The following ADH4 variants were observed in gnomAD, a reference collection of about 807,000 sequenced individuals.
ADH4 encodes all-trans-retinol dehydrogenase [NAD(+)] ADH4.
Under a neutral mutation model 35.2 loss-of-function variants are expected in ADH4, and 31 were observed. That is an observed-to-expected ratio of 0.88 (90% CI 0.66 to 1.19). ADH4 has a LOEUF of 1.19. ADH4 is among the 50% of genes most tolerant of loss of function. The pLI, the probability that ADH4 is intolerant of heterozygous loss-of-function variation, is 0.00. For missense variants in ADH4, 476 were observed against 458.3 expected, an observed-to-expected ratio of 1.04 and a Z score of -0.35; for synonymous variants, 171 against 160.2, an observed-to-expected ratio of 1.07 and a Z score of -0.51.
At chr4:99,136,722 T>C (rs1266937956) in intron 4 of ADH4, 25 bp from the exon 5 acceptor site, 1 of 1,438,796 alleles carries the variant, frequency 7.0e-7, no homozygotes, top group South Asian at 1.2e-5. Flanking sequence ...AAAAGAGTGA[T>C]ACAAATAAAG....
At chr4:99,142,580 C>CG in intron 2 of ADH4, 99 bp downstream of exon 2, 1 of 612,068 alleles carries the variant, frequency 1.6e-6, no homozygotes, top group Non-Finnish European at 2.6e-6. Context: ...ACTAGAAACT[C>CG]CAAGGCCTCT....
At chr4:99,125,242 A>G (rs1729049278) in intron 8 of ADH4, among the ~76,000 whole-genome samples, 1 of 152,062 alleles carries the variant, frequency 6.6e-6, no homozygotes, top group Non-Finnish European at 1.5e-5. Flanking sequence ...ATGAGGCCCA[A>G]CTTCTGCCTT....
At chr4:99,134,785 A>G (rs1284864482) in intron 5 of ADH4, among the ~76,000 whole-genome samples, 4 of 151,390 alleles carry the variant, frequency 2.6e-5, no homozygotes, top group Non-Finnish European at 5.9e-5. Context: ...ATTTTTGTCT[A>G]TGTGGCAGAT....
chr4:99,127,452 A>T, intron 6 of ADH4, 108 bp from the exon 7 acceptor site: 1 of 817,228 alleles, frequency 1.2e-6, no homozygotes. Context: ...CTCTGCATGT[A>T]AGATAATGGG....
At chr4:99,134,032 G>A (rs1729362789) in intron 5 of ADH4, among the ~76,000 whole-genome samples, 1 of 152,092 alleles carries the variant, frequency 6.6e-6, no homozygotes, top group African/African-American at 2.4e-5. Context: ...AAACCTGGAG[G>A]ACATTATGTC....
intron 8 of ADH4, among the ~76,000 whole-genome samples, chr4:99,125,584 T>C (rs892864530): frequency 3.9e-5 from 6 of 152,234 alleles, no homozygotes; most frequent in Admixed American, 1.3e-4. Flanking sequence ...TGAAGTTGTA[T>C]AATACATTGC....
intron 4 of ADH4, 133 bp from the exon 5 acceptor site, chr4:99,136,830 A>C (rs1729449964): frequency 3.2e-6 from 2 of 626,370 alleles, no homozygotes; most frequent in Admixed American, 3.1e-5. Context: ...AAATTAGGGA[A>C]ACAACAAGAC....
At chr4:99,139,446 T>C (rs536271471) in intron 3 of ADH4, among the ~76,000 whole-genome samples, 22 of 152,322 alleles carry the variant, frequency 1.4e-4, no homozygotes, top group African/African-American at 5.1e-4. Context: ...ATGACTATTG[T>C]TTATTACATT....
At chr4:99,124,496 A>G (rs2602894) in intron 8 of ADH4, 30 bp from the exon 9 acceptor site, 970,343 of 1,323,888 alleles carry the variant, frequency 0.73, 361,181 homozygotes, top group East Asian at 1. Flanking sequence ...ATTAATAAGT[A>G]TAATTTTCAT....
At chr4:99,143,727 A>G (rs896391400) in intron 1 of ADH4, among the ~76,000 whole-genome samples, 8 of 152,106 alleles carry the variant, frequency 5.3e-5, no homozygotes, top group African/African-American at 1.9e-4. Context: ...TCAAAATGCC[A>G]AGGCCTATCA....
rs776572471 is a variant in ADH4 at position 99,144,233 on chromosome 4, G to A, written c.-11C>T. 114 of 1,613,050 alleles carry A rather than the reference G, an allele frequency of 7.1e-5. No individual in the cohort carries two copies. The highest frequency in any genetic ancestry group is 9.2e-5 in the Non-Finnish European group (109 of 1,179,228). ...GCCCTTGGTGCCCATTTTTCTTTGG[G>A]AAACTGTGTTGGAAGTTTCTTTCTG... On this transcript the variant is annotated 5_prime_UTR_variant, in exon 1 of 9. Coordinates refer to ENST00000265512, the MANE Select transcript of ADH4 (RefSeq NM_000670.5).
intron 3 of ADH4, among the ~76,000 whole-genome samples, 190 bp from the exon 4 acceptor site, chr4:99,139,338 T>A (rs1008665685): frequency 1.1e-4 from 16 of 152,306 alleles, no homozygotes; most frequent in African/African-American, 3.6e-4. Context: ...TTGTATTTTT[T>A]AAAAAATTAC....
At chr4:99,124,633 TTAA>T (rs1729024450) in intron 8 of ADH4, among the ~76,000 whole-genome samples, 167 bp from the exon 9 acceptor site, 1 of 152,218 alleles carries the variant, frequency 6.6e-6, no homozygotes, top group Non-Finnish European at 1.5e-5. Flanking sequence ...ATTCATGGTG[TTAA>T]TAATATTTTA....
At chr4:99,141,419 T>C in intron 3 of ADH4, 122 bp downstream of exon 3, 4 of 931,510 alleles carry the variant, frequency 4.3e-6, no homozygotes, top group Non-Finnish European at 6.3e-6. Context: ...TCGTTTTACT[T>C]TGGAAAAGAT....
chr4:99,125,768 C>T (rs1236568602), intron 8 of ADH4, among the ~76,000 whole-genome samples: 1 of 152,156 alleles, frequency 6.6e-6, no homozygotes, highest in Non-Finnish European at 1.5e-5. Flanking sequence ...GGTCCTCACA[C>T]CATGAAACTA....
intron 6 of ADH4, among the ~76,000 whole-genome samples, chr4:99,128,305 A>T (rs1215536973): frequency 1.8e-4 from 27 of 152,116 alleles, no homozygotes; most frequent in Non-Finnish European, 2.9e-5. Flanking sequence ...ACATGGCAGC[A>T]TGTGCCTGTA....
chr4:99,143,358 C>T, intron 1 of ADH4: 1 of 566,172 alleles, frequency 1.8e-6, no homozygotes, highest in Non-Finnish European at 3.2e-6. Flanking sequence ...AGAAATGAGG[C>T]TTACATCATT....
chr4:99,134,930 AGCCGAGGACCAG>A (rs1016169272), intron 5 of ADH4, among the ~76,000 whole-genome samples: 1 of 151,584 alleles, frequency 6.6e-6, no homozygotes, highest in Non-Finnish European at 1.5e-5. Context: ...TGGATTACAA[AGCCGAGGACCAG>A]GCCTCACCAG....
At chr4:99,127,452 A>C in intron 6 of ADH4, 108 bp from the exon 7 acceptor site, 1 of 817,228 alleles carries the variant, frequency 1.2e-6, no homozygotes, top group Non-Finnish European at 1.8e-6. Flanking sequence ...CTCTGCATGT[A>C]AGATAATGGG....
Sources: gnomAD v4.1 joint callset for allele counts (sites outside exome capture counted in the v4.1 genomes callset) on GRCh38, gnomAD v4.1.1 for gene constraint, MANE v1.5 for transcripts, NCBI Gene and HGNC (gene_info 2026-07-23, HGNC 2026-07-21) for gene names.